Variants in MGMT observed in about 807,000 individuals in gnomAD.
MGMT encodes the protein O-6-methylguanine-DNA methyltransferase, also known as methylated-DNA--protein-cysteine methyltransferase.
A neutral mutation model predicts 15.9 loss-of-function variants in MGMT; 14 were observed. The ratio of observed to expected loss-of-function variants is 0.88; its 90% confidence interval spans 0.58 to 1.37. MGMT has a LOEUF of 1.37. Among genes scored for constraint, MGMT ranks in the 40% most tolerant of loss-of-function variants. MGMT has a pLI of 0.00. For missense variants in MGMT, 282 were observed against 268.1 expected (o/e 1.05, Z -0.36); for synonymous variants, 130 against 118.2 (o/e 1.10, Z -0.65).
chr10:129,640,290 A>T (rs1029784014), intron 2 of MGMT, among the ~76,000 whole-genome samples: 1 of 151,824 alleles, frequency 6.6e-6, no homozygotes, highest in African/African-American at 2.4e-5. Flanking sequence ...TAGAGACAGG[A>T]TTTTACCATA....
rs576598063 is a variant in MGMT, at chr10:129,748,068, T to C, written c.275-11134T>C. 2.6e-5 allele frequency among the ~76,000 whole-genome samples: 4 copies of C among 152,268 alleles called. No individual in the cohort carries two copies. The East Asian group carries it at 7.7e-4, about 29-fold the overall frequency. On this transcript the variant is annotated intron_variant, in intron 3 of 4. Transcript: ENST00000651593. ...CAGGTGACTCTATGATAAAGTTACC[T>C]TCCCCCATCTCCCCTGCGTACTGCA...
intron 2 of MGMT, among the ~76,000 whole-genome samples, chr10:129,590,344 G>A (rs1846668321): frequency 6.6e-6 from 1 of 152,188 alleles, no homozygotes. Flanking sequence ...TCCCTGAAAA[G>A]TACCTGGATC....
At chr10:129,555,551 C>T (rs1266453852) in intron 2 of MGMT, among the ~76,000 whole-genome samples, 1 of 150,254 alleles carries the variant, frequency 6.7e-6, no homozygotes, top group African/African-American at 2.4e-5. Flanking sequence ...TACAAAAAAA[C>T]TTAAAAAAAA....
chr10:129,617,182 T>A (rs911089874), intron 2 of MGMT, among the ~76,000 whole-genome samples: 7 of 152,164 alleles, frequency 4.6e-5, no homozygotes, highest in Non-Finnish European at 1.0e-4. Context: ...TGGCCATGTG[T>A]ACTCAGTGGT....
chr10:129,504,377 G>A (rs1845604166), intron 1 of MGMT, among the ~76,000 whole-genome samples: 1 of 152,204 alleles, frequency 6.6e-6, no homozygotes, highest in Admixed American at 6.5e-5. Flanking sequence ...CAGGATAGTT[G>A]TGTTCTTAGA....
At chr10:129,555,562 A>G (rs1846203916) in intron 2 of MGMT, among the ~76,000 whole-genome samples, 1 of 152,044 alleles carries the variant, frequency 6.6e-6, no homozygotes, top group African/African-American at 2.4e-5. Context: ...TTAAAAAAAA[A>G]AAATTATCCA....
intron 2 of MGMT, among the ~76,000 whole-genome samples, chr10:129,697,145 T>A (rs1848041827): frequency 6.6e-6 from 1 of 152,210 alleles, no homozygotes; most frequent in Non-Finnish European, 1.5e-5. Flanking sequence ...GTAGGTTGGT[T>A]ACTCATTCCC....
At chr10:129,759,683 T>C (rs1848849963) in intron 4 of MGMT, among the ~76,000 whole-genome samples, 1 of 151,908 alleles carries the variant, frequency 6.6e-6, no homozygotes, top group African/African-American at 2.4e-5. Context: ...TGGGTGCCTG[T>C]TTTATGGCCC....
chr10:129,702,114 G>A (rs1282170556), intron 2 of MGMT: 1 of 152,192 alleles, frequency 6.6e-6, no homozygotes, highest in Non-Finnish European at 1.5e-5. Flanking sequence ...TCCCACAGAC[G>A]GCAACTCCGG....
At chr10:129,530,211 A>G (rs1340824159) in intron 1 of MGMT, among the ~76,000 whole-genome samples, 59 of 152,138 alleles carry the variant, frequency 3.9e-4, no homozygotes, top group Non-Finnish European at 1.5e-5. Flanking sequence ...CCCAGATTGG[A>G]TATTAATACA....
intron 1 of MGMT, among the ~76,000 whole-genome samples, chr10:129,499,490 A>G (rs1336389293): frequency 1.3e-5 from 2 of 152,234 alleles, no homozygotes; most frequent in Admixed American, 1.3e-4. Flanking sequence ...GTGAAGAATA[A>G]CAATTACCTT....
At chr10:129,735,951 T>C (rs1376635722) in intron 3 of MGMT, among the ~76,000 whole-genome samples, 21 of 61,642 alleles carry the variant, frequency 3.4e-4, no homozygotes, top group African/African-American at 1.2e-3. Flanking sequence ...TCTGTTCTTT[T>C]ACATTTGCTG....
chr10:129,541,058 G>C (rs1846037176), intron 2 of MGMT, among the ~76,000 whole-genome samples: 1 of 152,210 alleles, frequency 6.6e-6, no homozygotes, highest in Admixed American at 6.5e-5. Flanking sequence ...TGTTTCTTTA[G>C]TAGATAAATT....
At chr10:129,749,821 G>A (rs1356933208) in intron 3 of MGMT, among the ~76,000 whole-genome samples, 1 of 152,108 alleles carries the variant, frequency 6.6e-6, no homozygotes, top group African/African-American at 2.4e-5. Context: ...CATTCTAAAA[G>A]CCATTGTAAT....
intron 2 of MGMT, among the ~76,000 whole-genome samples, chr10:129,580,669 G>C (rs948068169): frequency 6.6e-6 from 1 of 152,198 alleles, no homozygotes; most frequent in Non-Finnish European, 1.5e-5. Context: ...ATGCTGGACA[G>C]ACATCCTGTA....
Position 129,518,325 on chromosome 10 carries a change from G to GACAC in MGMT, c.-12-17915_-12-17914insCACA, listed in dbSNP as rs1293188269. ...GAAAATTCTAAATGATGTGTGTACA[G>GACAC]ATACACACACATACACACACACACA... is the stretch of plus-strand genomic sequence containing the variant. On this transcript the variant is annotated intron_variant, in intron 1 of 4. Transcript: ENST00000651593. 5.1e-3 allele frequency among the ~76,000 whole-genome samples: 451 copies of GACAC among 88,088 alleles called. 6 individuals carry two copies. Among genetic ancestry groups the GACAC allele is most frequent in the African/African-American group, 0.017 (389 of 22,418 alleles). 57.8% of individuals were successfully genotyped at this position (88,088 alleles called of 152,430 possible). A position where few individuals can be genotyped will look rare whatever the true frequency, so the allele number is the denominator to read the frequency against.
intron 1 of MGMT, among the ~76,000 whole-genome samples, chr10:129,512,613 C>T (rs1217854812): frequency 6.6e-6 from 1 of 152,170 alleles, no homozygotes. Flanking sequence ...GAAGGAAGTA[C>T]CATCAATGTC....
intron 2 of MGMT, among the ~76,000 whole-genome samples, chr10:129,657,405 G>A (rs1847536242): frequency 6.6e-6 from 1 of 150,882 alleles, no homozygotes; most frequent in African/African-American, 2.4e-5. Flanking sequence ...GGGATTGTGG[G>A]GGTGGGGGGG....
chr10:129,591,856 G>T (rs552581502), intron 2 of MGMT, among the ~76,000 whole-genome samples: 1 of 152,198 alleles, frequency 6.6e-6, no homozygotes, highest in Non-Finnish European at 1.5e-5. Context: ...GCTTGAACCC[G>T]GGAGGCAGAG....
Sources: gnomAD v4.1 joint callset for allele counts (sites outside exome capture counted in the v4.1 genomes callset) on GRCh38, gnomAD v4.1.1 for gene constraint, MANE v1.5 for transcripts, NCBI Gene and HGNC (gene_info 2026-07-23, HGNC 2026-07-21) for gene names.